Variants in ADK observed in about 807,000 individuals in gnomAD.
ADK encodes adenosine kinase, also known as N6,N6-dimethyladenosine kinase.
A neutral mutation model predicts 44.7 loss-of-function variants in ADK; 24 were observed. The ratio of observed to expected loss-of-function variants is 0.54; its 90% confidence interval spans 0.39 to 0.76. The LOEUF is 0.76. Among genes scored for constraint, ADK ranks in the 30% least tolerant of loss-of-function variants. The pLI is 0.00. For missense variants in ADK, 321 were observed against 425.1 expected, an observed-to-expected ratio of 0.76 and a Z score of 2.15; for synonymous variants, 128 against 142.6, an observed-to-expected ratio of 0.90 and a Z score of 0.73.
At chr10:74,293,413 A>G (rs1369810991) in intron 3 of ADK, among the ~76,000 whole-genome samples, 1 of 152,154 alleles carries the variant, frequency 6.6e-6, no homozygotes, top group East Asian at 1.9e-4. Flanking sequence ...CTATTAACAT[A>G]ATTTACGATG....
intron 6 of ADK, among the ~76,000 whole-genome samples, chr10:74,426,079 G>A (rs1272638799): frequency 1.3e-5 from 2 of 152,062 alleles, no homozygotes; most frequent in East Asian, 3.9e-4. Flanking sequence ...TATCATATAT[G>A]TTCATTTTAT....
chr10:74,265,115 TA>T (rs1414853133), intron 3 of ADK, among the ~76,000 whole-genome samples: 1 of 152,100 alleles, frequency 6.6e-6, no homozygotes, highest in African/African-American at 2.4e-5. Context: ...CAAATTTTCT[TA>T]AAATGAAAAT....
rs576715672 is a variant in ADK at position 74,305,139 on chromosome 10, A to C, written c.195-9528A>C. ...AGTTGTTATACTCTCTTGTTTAGGG[A>C]ATAATGTCAAGGAAAAACACTCTTT... On this transcript the variant is annotated intron_variant, in intron 3 of 10. Coordinates refer to ENST00000539909, the MANE Select transcript of ADK (RefSeq NM_006721.4). Among the ~76,000 whole-genome samples the C allele has an allele frequency of 2.0e-5, 3 of 152,302 alleles. No homozygotes were observed. The South Asian group carries it at 6.2e-4, about 32-fold the overall frequency.
At chr10:74,555,963 C>G (rs1433595623) in intron 7 of ADK, among the ~76,000 whole-genome samples, 1 of 152,154 alleles carries the variant, frequency 6.6e-6, no homozygotes, top group Non-Finnish European at 1.5e-5. Flanking sequence ...ATAGCATATA[C>G]TTTTTAGGTC....
intron 4 of ADK, among the ~76,000 whole-genome samples, chr10:74,385,659 C>A (rs1027477214): frequency 6.6e-6 from 1 of 152,214 alleles, no homozygotes; most frequent in Non-Finnish European, 1.5e-5. Context: ...GCACTGTTGT[C>A]ATCGTCAGCT....
intron 9 of ADK, among the ~76,000 whole-genome samples, chr10:74,610,992 A>G (rs1852518386): frequency 6.6e-6 from 1 of 152,090 alleles, no homozygotes; most frequent in Non-Finnish European, 1.5e-5. Context: ...TGTGTTTCCA[A>G]TTAAATAGGT....
intron 8 of ADK, 120 bp downstream of exon 8, chr10:74,589,437 C>A: frequency 1.9e-6 from 2 of 1,067,230 alleles, no homozygotes; most frequent in East Asian, 2.4e-5. Flanking sequence ...CAGCAGTTGC[C>A]ATGGAAACTT....
intron 6 of ADK, among the ~76,000 whole-genome samples, chr10:74,416,265 TG>T (rs766948975): frequency 2.5e-4 from 38 of 151,994 alleles, no homozygotes; most frequent in Non-Finnish European, 4.6e-4. Context: ...CCATATTTCC[TG>T]TTACCCATTT....
chr10:74,686,280 G>A (rs564430971), intron 10 of ADK, among the ~76,000 whole-genome samples: 1 of 152,182 alleles, frequency 6.6e-6, no homozygotes, highest in South Asian at 2.1e-4. Context: ...GTGGTTTTAA[G>A]TCCTGGTACC....
intron 3 of ADK, among the ~76,000 whole-genome samples, chr10:74,266,872 A>AAC (rs1846233286): frequency 1.3e-5 from 2 of 152,246 alleles, no homozygotes; most frequent in African/African-American, 2.4e-5. Flanking sequence ...TTGGTGTTTT[A>AAC]ATAAGCTTTA....
intron 1 of ADK, among the ~76,000 whole-genome samples, chr10:74,156,918 A>C (rs1274819619): frequency 6.6e-6 from 1 of 152,236 alleles, no homozygotes; most frequent in Non-Finnish European, 1.5e-5. Context: ...ATCTCCAGGG[A>C]CCAAGAACAG....
At chr10:74,165,089 T>G (rs189975168) in intron 1 of ADK, among the ~76,000 whole-genome samples, 4 of 152,068 alleles carry the variant, frequency 2.6e-5, no homozygotes, top group Non-Finnish European at 4.4e-5. Context: ...TGTTCTCAGG[T>G]AGAGTTGGAA....
At chr10:74,511,427 C>A (rs966797355) in intron 6 of ADK, among the ~76,000 whole-genome samples, 12 of 152,166 alleles carry the variant, frequency 7.9e-5, no homozygotes, top group African/African-American at 2.9e-4. Flanking sequence ...AGGGATTGCA[C>A]TGAATCTATA....
chr10:74,295,955 C>T (rs1839796039), intron 3 of ADK, among the ~76,000 whole-genome samples: 1 of 151,894 alleles, frequency 6.6e-6, no homozygotes, highest in African/African-American at 2.4e-5. Flanking sequence ...ATTATTTGTG[C>T]CTTCTTTGTA....
intron 3 of ADK, among the ~76,000 whole-genome samples, chr10:74,248,446 C>T (rs1372846292): frequency 6.6e-6 from 1 of 152,072 alleles, no homozygotes; most frequent in African/African-American, 2.4e-5. Flanking sequence ...GCCACCTCCG[C>T]CTCCTGGGTT....
chr10:74,504,150 A>G (rs1847966991), intron 6 of ADK, among the ~76,000 whole-genome samples: 1 of 152,212 alleles, frequency 6.6e-6, no homozygotes, highest in Admixed American at 6.5e-5. Flanking sequence ...GTGCTACAGG[A>G]TATTTTATAT....
chr10:74,287,395 C>T (rs534917616), intron 3 of ADK, among the ~76,000 whole-genome samples: 2 of 151,140 alleles, frequency 1.3e-5, no homozygotes, highest in Admixed American at 6.6e-5. Flanking sequence ...ACCCAGGAGG[C>T]GGAGGTTGCA....
At chr10:74,323,760 C>T (rs1020054673) in intron 4 of ADK, among the ~76,000 whole-genome samples, 3 of 151,714 alleles carry the variant, frequency 2.0e-5, no homozygotes, top group East Asian at 3.9e-4. Flanking sequence ...TTAGTAGAGA[C>T]GAGGTTTCAC....
chr10:74,695,607 GTGTA>G (rs1194267250), intron 10 of ADK, among the ~76,000 whole-genome samples: 6 of 60,188 alleles, frequency 1.0e-4, no homozygotes, highest in South Asian at 5.4e-4. Context: ...TACAATTCCT[GTGTA>G]TGTGTGGGGT....
Sources: allele counts gnomAD v4.1 joint callset (sites outside exome capture counted in the v4.1 genomes callset), GRCh38; gene constraint gnomAD v4.1.1; transcripts MANE v1.5; gene names NCBI Gene and HGNC (gene_info 2026-07-23, HGNC 2026-07-21).